PHIP: variants seen among roughly 807,000 people sequenced by gnomAD.
PHIP encodes PHIP subunit of CUL4-Ring ligase complex.
In PHIP, 54 loss-of-function variants were observed where a neutral mutation model predicts 236.8. The observed-to-expected ratio is 0.23, with a 90% CI of 0.18 to 0.29. PHIP has a LOEUF of 0.29. PHIP is among the 10% of genes least tolerant of loss of function. The pLI is 1.00. For missense variants in PHIP, 1,370 were observed against 2,190.8 expected, an observed-to-expected ratio of 0.63 and a Z score of 7.48; for synonymous variants, 756 against 718.9, an observed-to-expected ratio of 1.05 and a Z score of -0.83.
In PHIP at chr6:78,934,478, T is replaced by G. The variant is rs1401540433; in HGVS notation, c.*6215A>C. On this transcript the variant is annotated 3_prime_UTR_variant, in exon 40 of 40. Transcript: ENST00000275034. ...ATGTACTTTTAAAGCAATTCACAAT[T>G]TATAGCAATACAATAGTGTGTTGTA... Among the ~76,000 whole-genome samples, 9 of 152,228 alleles carry G rather than the reference T, an allele frequency of 5.9e-5. No homozygotes were observed. The South Asian group carries it at 6.2e-4, about 11-fold the overall frequency.
chr6:78,993,257 A>G (rs533835805), intron 19 of PHIP, among the ~76,000 whole-genome samples: 3 of 152,354 alleles, frequency 2.0e-5, no homozygotes, highest in African/African-American at 7.2e-5. Context: ...TGTGTAACAT[A>G]AAAGTGTAGG....
chr6:79,034,110 G>A (rs1359421081), intron 7 of PHIP, among the ~76,000 whole-genome samples: 1 of 152,146 alleles, frequency 6.6e-6, no homozygotes, highest in Non-Finnish European at 1.5e-5. Flanking sequence ...TTGAAATATT[G>A]TGAGAAGTAT....
chr6:79,048,191 T>C lies in PHIP; in HGVS notation c.440-5188A>G, dbSNP rs188239102. Among the ~76,000 whole-genome samples the C allele has an allele frequency of 1.1e-3, 163 of 152,220 alleles. 1 individual carries two copies. Among genetic ancestry groups the C allele is most frequent in the Non-Finnish European group, 1.7e-3 (117 of 67,976 alleles). ...AAAATAAACAGAAAGTTACAAAATTTTGTTGGAAATGTAAATTTAACTTTA... is the reference window on the plus strand; with the variant it reads ...AAAATAAACAGAAAGTTACAAAATTCTGTTGGAAATGTAAATTTAACTTTA... On this transcript the variant is annotated intron_variant, in intron 6 of 39. Transcript: ENST00000275034.
rs768837257 is a variant in PHIP at position 78,982,991 on chromosome 6, T to C, written c.2664A>G (p.Glu888=). 1 of 1,609,760 alleles carries C rather than the reference T, an allele frequency of 6.2e-7. No individual in the cohort carries two copies. The highest frequency in any genetic ancestry group is 1.3e-5 in the African/African-American group (1 of 74,728). Reference sequence around the variant, plus strand: ...TTTTAATCTGTTTTTGCTTCTGTTTTTCAGATTCTTCTTCTTCATCTGAAC... The same window carrying C: ...TTTTAATCTGTTTTTGCTTCTGTTTCTCAGATTCTTCTTCTTCATCTGAAC... The part of the protein sequence containing the change: ...ESSSDEEEES[E]KQKQKQIKKE... The change falls in exon 23 of 40, where the codon GAA becomes GAG. Residue 888 remains glutamate (E), a synonymous_variant. Transcript: ENST00000275034.
chr6:78,999,845 G>A (rs1262355533), intron 17 of PHIP, among the ~76,000 whole-genome samples: 2 of 151,902 alleles, frequency 1.3e-5, no homozygotes, highest in African/African-American at 4.8e-5. Flanking sequence ...ACTTGTTTAA[G>A]GTCACCAAAG....
At chr6:78,966,678 T>C (rs1767157968) in intron 27 of PHIP, among the ~76,000 whole-genome samples, 1 of 152,228 alleles carries the variant, frequency 6.6e-6, no homozygotes, top group Non-Finnish European at 1.5e-5. Flanking sequence ...TCGTATTACT[T>C]AACCTGCTTT....
intron 32 of PHIP, chr6:78,957,126 A>C (rs1341511086): frequency 6.6e-6 from 1 of 152,110 alleles, no homozygotes; most frequent in Non-Finnish European, 1.5e-5. Context: ...GTATTTCATG[A>C]ATCTGACTTC....
chr6:79,003,369 C>T (rs750191191), intron 16 of PHIP, among the ~76,000 whole-genome samples: 2 of 151,892 alleles, frequency 1.3e-5, no homozygotes, highest in Admixed American at 6.6e-5. Flanking sequence ...TAGATAAGTA[C>T]GTATTATCTA....
rs562349274 is a variant in PHIP, at chr6:79,047,993, A to G, written c.440-4990T>C. On this transcript the variant is annotated intron_variant, in intron 6 of 39. Coordinates refer to ENST00000275034, the MANE Select transcript of PHIP (RefSeq NM_017934.7). ...TACATTATTGTATATATGGTTATATATACATATGTATTTTTTTTTTTTCTG... is the reference window on the plus strand; with the variant it reads ...TACATTATTGTATATATGGTTATATGTACATATGTATTTTTTTTTTTTCTG... Among the ~76,000 whole-genome samples the G allele has an allele frequency of 5.7e-4, 86 of 151,326 alleles. No individual in the cohort carries two copies. The East Asian group carries it at 0.012, about 22-fold the overall frequency.
intron 35 of PHIP, among the ~76,000 whole-genome samples, chr6:78,953,729 T>C (rs991753912): frequency 2.0e-5 from 3 of 152,152 alleles, no homozygotes; most frequent in African/African-American, 4.8e-5. Flanking sequence ...CATTGTAAGT[T>C]AGAACAAAAA....
intron 15 of PHIP, among the ~76,000 whole-genome samples, chr6:79,014,364 A>T (rs776973719): frequency 6.6e-6 from 1 of 151,782 alleles, no homozygotes; most frequent in South Asian, 2.1e-4. Flanking sequence ...AAAAAAATTT[A>T]AACATGCTGA....
At chr6:78,979,247 A>T (rs1197112704) in intron 23 of PHIP, among the ~76,000 whole-genome samples, 1 of 152,068 alleles carries the variant, frequency 6.6e-6, no homozygotes, top group East Asian at 1.9e-4. Context: ...ATCTCTCCAA[A>T]TCACTGTCTA....
At chr6:78,965,393 T>C (rs532680212) in intron 29 of PHIP, among the ~76,000 whole-genome samples, 2 of 152,346 alleles carry the variant, frequency 1.3e-5, no homozygotes, top group East Asian at 3.9e-4. Flanking sequence ...TTAAACACTC[T>C]GCTAAAGTTA....
At chr6:79,057,147 T>A (rs994670726) in intron 6 of PHIP, among the ~76,000 whole-genome samples, 1 of 152,080 alleles carries the variant, frequency 6.6e-6, no homozygotes, top group Non-Finnish European at 1.5e-5. Flanking sequence ...ATTCAAGAGG[T>A]CCAACAGTTT....
intron 23 of PHIP, among the ~76,000 whole-genome samples, chr6:78,981,353 A>G (rs1166975866): frequency 6.6e-6 from 1 of 152,024 alleles, no homozygotes; most frequent in Non-Finnish European, 1.5e-5. Context: ...AGGGAATAAG[A>G]ACAAGTCCAT....
intron 6 of PHIP, among the ~76,000 whole-genome samples, chr6:79,050,962 G>GT (rs1772762634): frequency 6.6e-6 from 1 of 152,128 alleles, no homozygotes; most frequent in Non-Finnish European, 1.5e-5. Context: ...TGTAAGATTT[G>GT]TTTGTGTAAT....
chr6:78,963,285 T>C (rs556907765), intron 29 of PHIP, 33 bp from the exon 30 acceptor site: 1 of 1,552,118 alleles, frequency 6.4e-7, no homozygotes, highest in Non-Finnish European at 8.7e-7. Flanking sequence ...TGCAAATACA[T>C]GGTAACTTAT....
chr6:79,077,645 CGGCCCAGA>C, intron 3 of PHIP, 47 bp downstream of exon 3: 1 of 924,814 alleles, frequency 1.1e-6, no homozygotes, highest in Non-Finnish European at 1.3e-6. Flanking sequence ...GGCGGCGCAG[CGGCCCAGA>C]GGCGGCCGCG....
chr6:78,983,282 A>G (rs1768661056), intron 22 of PHIP, among the ~76,000 whole-genome samples, 165 bp from the exon 23 acceptor site: 1 of 152,166 alleles, frequency 6.6e-6, no homozygotes, highest in South Asian at 2.1e-4. Context: ...GTTTCTTGAA[A>G]TTCTATAGGC....
Sources: allele counts gnomAD v4.1 joint callset (sites outside exome capture counted in the v4.1 genomes callset), GRCh38; gene constraint gnomAD v4.1.1; transcripts MANE v1.5; gene names NCBI Gene and HGNC (gene_info 2026-07-23, HGNC 2026-07-21).